Variants in FTO observed in about 807,000 individuals in gnomAD.
FTO encodes FTO alpha-ketoglutarate dependent dioxygenase.
In FTO, 47 loss-of-function variants were observed where a neutral mutation model predicts 63.9. The ratio of observed to expected loss-of-function variants is 0.74; its 90% CI spans 0.58 to 0.94. The LOEUF is 0.94. Among genes scored for constraint, FTO ranks in the 40% least tolerant of loss-of-function variants. The pLI is 0.00. For synonymous variants in FTO, 207 were observed against 224.4 expected, an observed-to-expected ratio of 0.92 and a Z score of 0.69; for missense variants, 562 against 618.1, an observed-to-expected ratio of 0.91 and a Z score of 0.96.
intron 7 of FTO, among the ~76,000 whole-genome samples, chr16:53,912,997 T>C (rs1177835130): frequency 2.0e-5 from 3 of 152,236 alleles, no homozygotes; most frequent in African/African-American, 7.2e-5. Flanking sequence ...GTGTGACTTA[T>C]AATTATCTGA....
chr16:53,954,858 G>T (rs2082889557), intron 8 of FTO, among the ~76,000 whole-genome samples: 1 of 151,810 alleles, frequency 6.6e-6, no homozygotes, highest in African/African-American at 2.4e-5. Flanking sequence ...GAGAAAACGT[G>T]GCCAAGCAGA....
chr16:53,987,700 C>T lies in FTO; in HGVS notation c.1364+53591C>T, dbSNP rs558215977. Among the ~76,000 whole-genome samples the T allele has an allele frequency of 7.0e-4, 106 of 152,226 alleles. 1 individual carries two copies. The highest frequency in any genetic ancestry group is 1.2e-3 in the Non-Finnish European group (79 of 68,022). Reference sequence around the variant, plus strand: ...ATCATAAACACTGGTTCTTCCAACTCCACAGATAGTGGAAAGAGTCAAGAA... The same window carrying T: ...ATCATAAACACTGGTTCTTCCAACTTCACAGATAGTGGAAAGAGTCAAGAA... On this transcript the variant is annotated intron_variant, in intron 8 of 8. Transcript: ENST00000471389.
At chr16:53,873,763 C>T in intron 4 of FTO, 23 bp from the exon 5 acceptor site, 1 of 1,589,898 alleles carries the variant, frequency 6.3e-7, no homozygotes. Context: ...TGGTTTTATA[C>T]ATTTCTGGTG....
intron 8 of FTO, among the ~76,000 whole-genome samples, chr16:54,001,504 G>T (rs1419475263): frequency 6.6e-6 from 1 of 152,102 alleles, no homozygotes; most frequent in South Asian, 2.1e-4. Flanking sequence ...TTCTAATGAT[G>T]GAGGAAAACC....
intron 8 of FTO, among the ~76,000 whole-genome samples, chr16:54,095,101 C>T (rs1420672467): frequency 2.6e-5 from 4 of 152,110 alleles, no homozygotes; most frequent in Non-Finnish European, 2.9e-5. Context: ...GACAGAGTCT[C>T]GCTATGTTAC....
intron 8 of FTO, among the ~76,000 whole-genome samples, chr16:54,104,765 TAAA>T (rs1452701851): frequency 6.6e-6 from 1 of 152,202 alleles, no homozygotes; most frequent in African/African-American, 2.4e-5. Context: ...AACACTGACT[TAAA>T]GAAGAGGAGA....
At chr16:53,938,870 A>G (rs919666796) in intron 8 of FTO, among the ~76,000 whole-genome samples, 1 of 152,036 alleles carries the variant, frequency 6.6e-6, no homozygotes, top group Non-Finnish European at 1.5e-5. Context: ...CGGGCGGATC[A>G]TGAGGTCAGG....
chr16:53,969,456 G>T (rs143751583), intron 8 of FTO, among the ~76,000 whole-genome samples: 47 of 148,964 alleles, frequency 3.2e-4, no homozygotes, highest in African/African-American at 1.1e-3. Flanking sequence ...CTTATTTTTT[G>T]GGGGGGGCTT....
chr16:53,771,726 A>G (rs1039459553), intron 1 of FTO, among the ~76,000 whole-genome samples: 4 of 152,268 alleles, frequency 2.6e-5, no homozygotes, highest in East Asian at 1.9e-4. Context: ...ACGCCCATCA[A>G]TGATGAATGT....
Position 54,011,051 on chromosome 16 carries a change from A to T in FTO, c.1364+76942A>T, listed in dbSNP as rs539580331. Among the ~76,000 whole-genome samples the T allele has an allele frequency of 2.0e-5, 3 of 152,290 alleles. No homozygotes were observed. In the South Asian group the frequency reaches 6.2e-4, roughly 32 times the overall value. ...GTTACATTAGAATATTTCCAGAGGGAACCTCACTTTAATCTCATCCACCTC... is the reference window on the plus strand; with the variant it reads ...GTTACATTAGAATATTTCCAGAGGGTACCTCACTTTAATCTCATCCACCTC... On this transcript the variant is annotated intron_variant, in intron 8 of 8. Coordinates refer to ENST00000471389, the MANE Select transcript of FTO (RefSeq NM_001080432.3).
Position 53,978,036 on chromosome 16 carries a change from T to G in FTO, c.1364+43927T>G, listed in dbSNP as rs539707772. ...TATGACTGGCTAATTTTTAAAAAAA[T>G]TTTTTTTGTAGAGATAGGGGTCTCA... On this transcript the variant is annotated intron_variant, in intron 8 of 8. Transcript: ENST00000471389. Among the ~76,000 whole-genome samples, 32 of 152,154 alleles carry G rather than the reference T, an allele frequency of 2.1e-4. 1 individual carries two copies. The South Asian group carries it at 5.8e-3, about 28-fold the overall frequency.
At chr16:53,793,731 A>AAAACAAAC (rs144672139) in intron 1 of FTO, among the ~76,000 whole-genome samples, 4 of 152,064 alleles carry the variant, frequency 2.6e-5, no homozygotes, top group Non-Finnish European at 5.9e-5. Context: ...ACTCCGTCTC[A>AAAACAAAC]AAACAAACAA....
intron 8 of FTO, among the ~76,000 whole-genome samples, chr16:53,998,959 G>A (rs2084005534): frequency 6.6e-6 from 1 of 152,150 alleles, no homozygotes; most frequent in African/African-American, 2.4e-5. Context: ...CTCAAGAGTG[G>A]ATTATGTTAA....
intron 7 of FTO, among the ~76,000 whole-genome samples, chr16:53,911,900 T>G (rs1401901657): frequency 6.6e-6 from 1 of 152,252 alleles, no homozygotes; most frequent in East Asian, 1.9e-4. Flanking sequence ...TTGTTGATTT[T>G]GTGATTAATT....
At chr16:53,923,308 G>A (rs191408722) in intron 7 of FTO, among the ~76,000 whole-genome samples, 9 of 152,304 alleles carry the variant, frequency 5.9e-5, no homozygotes, top group Admixed American at 2.0e-4. Flanking sequence ...GCATAACTTC[G>A]ACTAGGTGCT....
At chr16:53,771,747 T>G (rs1159115149) in intron 1 of FTO, among the ~76,000 whole-genome samples, 1 of 152,070 alleles carries the variant, frequency 6.6e-6, no homozygotes, top group East Asian at 1.9e-4. Flanking sequence ...ACAATTAAAA[T>G]GTGGCATAAC....
chr16:54,086,924 G>A (rs865775186), intron 8 of FTO, among the ~76,000 whole-genome samples: 1 of 152,158 alleles, frequency 6.6e-6, no homozygotes, highest in South Asian at 2.1e-4. Flanking sequence ...GTGGGCTGCC[G>A]GCCCCCATAA....
intron 8 of FTO, among the ~76,000 whole-genome samples, chr16:53,971,464 T>C (rs2143731098): frequency 6.6e-6 from 1 of 152,366 alleles, no homozygotes; most frequent in African/African-American, 2.4e-5. Flanking sequence ...TAGGTGAAAA[T>C]TGGACTTCAT....
chr16:53,744,830 C>G (rs1011308917), intron 1 of FTO, among the ~76,000 whole-genome samples: 6 of 68,388 alleles, frequency 8.8e-5, no homozygotes, highest in African/African-American at 4.1e-4. Flanking sequence ...TTTCTTCCCC[C>G]CCCCCATATA....
Sources: gnomAD v4.1 joint callset for allele counts (sites outside exome capture counted in the v4.1 genomes callset) on GRCh38, gnomAD v4.1.1 for gene constraint, MANE v1.5 for transcripts, NCBI Gene and HGNC (gene_info 2026-07-23, HGNC 2026-07-21) for gene names.